CFH: variants seen among roughly 807,000 people sequenced by gnomAD.
CFH encodes H factor 1 (complement).
Under a neutral mutation model 147.3 loss-of-function variants are expected in CFH, and 53 were observed. The ratio of observed to expected loss-of-function variants is 0.36; its 90% CI spans 0.29 to 0.45. The LOEUF is 0.45. Among genes scored for constraint, CFH ranks in the 20% least tolerant of loss-of-function variants. The pLI is 1.00. For synonymous variants in CFH, 536 were observed against 489.4 expected, an observed-to-expected ratio of 1.10 and a Z score of -1.26; for missense variants, 1,380 against 1,498.0, an observed-to-expected ratio of 0.92 and a Z score of 1.30.
chr1:196,696,210 G>A (rs1668260499), intron 9 of CFH, among the ~76,000 whole-genome samples: 1 of 152,054 alleles, frequency 6.6e-6, no homozygotes, highest in South Asian at 2.1e-4. Context: ...ATAATTGGAA[G>A]TAAAACACTC....
intron 1 of CFH, among the ~76,000 whole-genome samples, chr1:196,660,707 T>G (rs1232140912): frequency 1.3e-5 from 2 of 152,216 alleles, no homozygotes; most frequent in Non-Finnish European, 2.9e-5. Context: ...AGAGAAAAGG[T>G]AATCAATATG....
At position 196,673,033 on chromosome 1, in the gene CFH, T is replaced by C; in HGVS notation, c.114T>C (p.Ser38=). The C allele has an allele frequency of 1.2e-6, 2 of 1,614,102 alleles. No homozygotes were observed. The highest frequency in any genetic ancestry group is 1.7e-6 in the Non-Finnish European group (2 of 1,179,994). Residue 38 remains serine, a synonymous_variant, in exon 2 of 22, where the codon TCT becomes TCC. Transcript: ENST00000367429. ...CAGAAATTCTGACAGGTTCCTGGTC[T>C]GACCAAACATATCCAGAAGGCACCC... ...RNTEILTGSW[S]DQTYPEGTQA... is the part of the protein sequence containing the mutation.
intron 15 of CFH, among the ~76,000 whole-genome samples, chr1:196,730,965 G>A (rs77919582): frequency 0.016 from 2,451 of 151,470 alleles, 29 homozygotes; most frequent in Non-Finnish European, 0.021. Context: ...GTGAATTTAC[G>A]TTACAGTGAA....
At chr1:196,732,948 T>A (rs1669313437) in intron 15 of CFH, among the ~76,000 whole-genome samples, 1 of 152,106 alleles carries the variant, frequency 6.6e-6, no homozygotes, top group African/African-American at 2.4e-5. Context: ...AAGAGGTATC[T>A]GCTTGAAATG....
At chr1:196,729,708 C>G (rs1259390513) in intron 15 of CFH, among the ~76,000 whole-genome samples, 1 of 151,912 alleles carries the variant, frequency 6.6e-6, no homozygotes, top group Non-Finnish European at 1.5e-5. Context: ...AGCAATGAAG[C>G]CATCAGGTCT....
chr1:196,700,786 A>T, intron 9 of CFH: 1 of 982,572 alleles, frequency 1.0e-6, no homozygotes, highest in Non-Finnish European at 1.2e-6. Context: ...CTTAGTTATG[A>T]TGAACTAAGG....
At chr1:196,689,695 C>T in intron 8 of CFH, 81 bp downstream of exon 8, 4 of 1,448,508 alleles carry the variant, frequency 2.8e-6, no homozygotes, top group Non-Finnish European at 3.9e-6. Flanking sequence ...GTGATTACAC[C>T]TGTCTTATGT....
chr1:196,740,629 T>G lies in CFH; in HGVS notation c.2793T>G (p.Cys931Trp). 6.2e-7 allele frequency: 1 copy of G among 1,613,734 alleles called. No homozygotes were observed. Among genetic ancestry groups the G allele is most frequent in the Non-Finnish European group, 8.5e-7 (1 of 1,179,832 alleles). Residue 931 changes from cysteine to tryptophan, a missense_variant, in exon 18 of 22, where the codon TGT becomes TGG. Coordinates refer to ENST00000367429, the MANE Select transcript of CFH (RefSeq NM_000186.4). ...TTCTTTTTTTTTTAGGCCTTCCTTGTAAATCTCCACCTGAGATTTCTCATG... is the reference window on the plus strand; with the variant it reads ...TTCTTTTTTTTTTAGGCCTTCCTTGGAAATCTCCACCTGAGATTTCTCATG... ...SSPPQCEGLPCKSPPEISHGV... is the reference protein window; with the variant it reads ...SSPPQCEGLPWKSPPEISHGV...
chr1:196,701,237 T>A, intron 9 of CFH: 1 of 1,599,884 alleles, frequency 6.3e-7, no homozygotes, highest in Non-Finnish European at 8.6e-7. Flanking sequence ...TCAGTCACAT[T>A]CAGTTAGTCC....
chr1:196,721,814 C>CTT (rs33956114), intron 11 of CFH, among the ~76,000 whole-genome samples: 64,256 of 150,510 alleles, frequency 0.43, 13,838 homozygotes, highest in South Asian at 0.55. Context: ...AACTTCTTGT[C>CTT]TTTTTTTTCT....
intron 1 of CFH, among the ~76,000 whole-genome samples, chr1:196,666,788 G>C (rs1274884821): frequency 7.5e-6 from 1 of 132,688 alleles, no homozygotes; most frequent in Non-Finnish European, 1.5e-5. Context: ...ATGGGGGACA[G>C]AGCGAGACTC....
chr1:196,724,060 T>C (rs1481810417), intron 11 of CFH, among the ~76,000 whole-genome samples: 3 of 152,010 alleles, frequency 2.0e-5, no homozygotes, highest in Non-Finnish European at 1.5e-5. Context: ...GGCGTAGTCA[T>C]TTTCAGCCCA....
At chr1:196,660,403 A>C (rs1332715595) in intron 1 of CFH, among the ~76,000 whole-genome samples, 3 of 152,216 alleles carry the variant, frequency 2.0e-5, no homozygotes, top group African/African-American at 7.2e-5. Context: ...GATAAGTAAA[A>C]AGTGAAGTCA....
At position 196,697,243 on chromosome 1, in the gene CFH, T is replaced by C. The variant is rs551151839; in HGVS notation, c.1336+7004T>C. Reference sequence around the variant, plus strand: ...AACCTACAGAATGGGAGAAAATTTTTGCAATCTACTCATCTGACAAAGGGC... The same window carrying C: ...AACCTACAGAATGGGAGAAAATTTTCGCAATCTACTCATCTGACAAAGGGC... On this transcript the variant is annotated intron_variant, in intron 9 of 21. Transcript: ENST00000367429. 2.5e-4 allele frequency among the ~76,000 whole-genome samples: 38 copies of C among 152,198 alleles called. No homozygotes were observed. The South Asian group carries it at 7.3e-3, about 29-fold the overall frequency.
intron 15 of CFH, among the ~76,000 whole-genome samples, chr1:196,732,559 A>G (rs1049471290): frequency 1.3e-5 from 2 of 151,964 alleles, no homozygotes; most frequent in African/African-American, 4.8e-5. Context: ...CAGTGTTTCT[A>G]TGCAATAGAT....
In CFH at chr1:196,675,100, C is replaced by T. The variant is rs147206149; in HGVS notation, c.351-889C>T. 1.4e-3 allele frequency among the ~76,000 whole-genome samples: 216 copies of T among 152,182 alleles called. 1 individual carries two copies. The highest frequency in any genetic ancestry group is 5.0e-3 in the African/African-American group (208 of 41,530). The stretch of plus-strand genomic sequence containing the variant: ...TTTTTTAATTTGCTACCTTCCTCAC[C>T]TCTGAAATATTTCTTTTATCACAGG... On this transcript the variant is annotated intron_variant, in intron 3 of 21. Transcript: ENST00000367429.
chr1:196,697,822 G>A (rs1280509562), intron 9 of CFH, among the ~76,000 whole-genome samples: 2 of 152,028 alleles, frequency 1.3e-5, no homozygotes, highest in Non-Finnish European at 1.5e-5. Flanking sequence ...ATACTATGCA[G>A]CCATAAAAAA....
chr1:196,741,493 A>T (rs1177990854), intron 18 of CFH: 1 of 271,230 alleles, frequency 3.7e-6, no homozygotes, highest in Admixed American at 5.1e-5. Flanking sequence ...ACCATGATCC[A>T]ATCACTTCCC....
chr1:196,681,656 C>G (rs1467250246), intron 6 of CFH, among the ~76,000 whole-genome samples: 3 of 151,776 alleles, frequency 2.0e-5, no homozygotes, highest in Non-Finnish European at 4.4e-5. Flanking sequence ...GGATTGGGTA[C>G]TCCTTTTCAG....
Sources: gnomAD v4.1 joint callset for allele counts (sites outside exome capture counted in the v4.1 genomes callset) on GRCh38, gnomAD v4.1.1 for gene constraint, MANE v1.5 for transcripts, NCBI Gene and HGNC (gene_info 2026-07-23, HGNC 2026-07-21) for gene names.